SUPT5H: variants seen among roughly 807,000 people sequenced by gnomAD.
SUPT5H encodes the protein transcription elongation factor SPT5.
SUPT5H carries 24 observed loss-of-function variants against 142.5 expected under a neutral mutation model. The observed-to-expected ratio is 0.17, with a 90% confidence interval of 0.12 to 0.24. SUPT5H has a LOEUF of 0.24. SUPT5H is among the 10% of genes least tolerant of loss of function. The pLI is 1.00. For missense variants in SUPT5H, 893 were observed against 1,471.8 expected, an observed-to-expected ratio of 0.61 and a Z score of 6.43; for synonymous variants, 546 against 553.0, an observed-to-expected ratio of 0.99 and a Z score of 0.18.
intron 4 of SUPT5H, 138 bp downstream of exon 4, chr19:39,457,878 C>T: frequency 7.0e-7 from 1 of 1,422,942 alleles, no homozygotes; most frequent in Non-Finnish European, 9.6e-7. Context: ...TCTGTCCTTC[C>T]CAGAGAGACC....
intron 8 of SUPT5H, 89 bp from the exon 9 acceptor site, chr19:39,459,469 AC>A: frequency 6.5e-7 from 1 of 1,531,432 alleles, no homozygotes; most frequent in South Asian, 1.2e-5. Flanking sequence ...TGGATGTGAA[AC>A]CAGAGGAAGG....
chr19:39,473,232 C>T lies in SUPT5H; in HGVS notation c.2288C>T (p.Ser763Leu), dbSNP rs1168967266. 3.7e-6 allele frequency: 6 copies of T among 1,613,324 alleles called. No individual in the cohort carries two copies. The highest frequency in any genetic ancestry group is 4.5e-5 in the East Asian group (2 of 44,872). ...TCACGGCGCCCGGGCGGCATGACCT[C>T]GACCTATGGGAGGACGCCCATGTAT... ...VGSRRPGGMT[S>L]TYGRTPMYGS... Residue 763 changes from serine (S) to leucine (L), a missense_variant, in exon 24 of 30, where the codon TCG (serine) becomes TTG (leucine). Transcript: ENST00000432763. The surrounding 1 kb of genome is among the most constrained non-coding windows in gnomAD (Gnocchi z 5.8).
chr19:39,450,835 GAA>G, intron 2 of SUPT5H, among the ~76,000 whole-genome samples: 1 of 152,278 alleles, frequency 6.6e-6, no homozygotes, highest in African/African-American at 2.4e-5. Context: ...ACTGTGTCTT[GAA>G]CGCCTCTGGG....
In SUPT5H at chr19:39,458,111, A is replaced by G. The variant is rs113856265; in HGVS notation, c.308-183A>G. On this transcript the variant is annotated intron_variant, in intron 4 of 29. Transcript: ENST00000432763. This position sits in a 1 kb window ranked among gnomAD's most constrained non-coding sequence, Gnocchi z 4.2. Reference sequence around the variant, plus strand: ...CCTCATACATTTCGGCTTCTCCCCAACCACCTGGTGCCTGGCCTTTACTTT... The same window carrying G: ...CCTCATACATTTCGGCTTCTCCCCAGCCACCTGGTGCCTGGCCTTTACTTT... The G allele has an allele frequency of 1.1e-4, 121 of 1,079,958 alleles. No homozygotes were observed. In the African/African-American group the frequency reaches 1.6e-3, roughly 14 times the overall value. The allele number at this position is 1,079,958 out of a possible 1,614,324, so 66.9% of individuals were successfully genotyped here.
At chr19:39,455,118 A>G (rs1017649628) in intron 3 of SUPT5H, among the ~76,000 whole-genome samples, 1 of 152,218 alleles carries the variant, frequency 6.6e-6, no homozygotes, top group African/African-American at 2.4e-5. Flanking sequence ...CGCAGTTGCA[A>G]AAGTTTGGTG....
intron 4 of SUPT5H, 51 bp downstream of exon 4, chr19:39,457,791 A>G: frequency 6.2e-7 from 1 of 1,613,354 alleles, no homozygotes; most frequent in Non-Finnish European, 8.5e-7. Flanking sequence ...GGTGGCTGAG[A>G]GGGTCTTCAG....
chr19:39,465,481 T>C (rs2079222694), intron 11 of SUPT5H, among the ~76,000 whole-genome samples: 2 of 152,212 alleles, frequency 1.3e-5, no homozygotes, highest in South Asian at 2.1e-4. Context: ...ATAAGATTTC[T>C]CTGGTGACTG....
chr19:39,446,667 G>C (rs2078957994), intron 2 of SUPT5H, among the ~76,000 whole-genome samples: 2 of 152,144 alleles, frequency 1.3e-5, no homozygotes, highest in African/African-American at 4.8e-5. Context: ...AAGTTTGAGA[G>C]CAATCTCGGT....
At position 39,474,328 on chromosome 19, in the gene SUPT5H, C is replaced by G. The variant is rs2079371277; in HGVS notation, c.2746C>G (p.Pro916Ala). The change falls in exon 27 of 30, where the codon CCA (proline) becomes GCA (alanine). Residue 916 changes from proline (P) to alanine (A), a missense_variant. Pro to Ala is a conservative substitution (Grantham distance 27). Coordinates refer to ENST00000432763, the MANE Select transcript of SUPT5H (RefSeq NM_001111020.3). The surrounding 1 kb of genome is among the most constrained non-coding windows in gnomAD (Gnocchi z 6.5). ...PSPQSYHQVA[P>A]SPAGYQNTHS... The stretch of plus-strand genomic sequence containing the variant: ...CCCCCAGAGCTACCACCAGGTGGCG[C>G]CAAGCCCAGCAGGCTACCAGAATAC... 1 of 1,614,000 alleles carries G rather than the reference C, an allele frequency of 6.2e-7. No individual in the cohort carries two copies. Among genetic ancestry groups the G allele is most frequent in the Non-Finnish European group, 8.5e-7 (1 of 1,180,020 alleles).
chr19:39,450,423 A>G (rs763221662), intron 2 of SUPT5H, among the ~76,000 whole-genome samples: 1 of 152,168 alleles, frequency 6.6e-6, no homozygotes, highest in Non-Finnish European at 1.5e-5. Flanking sequence ...TTACAGGCGC[A>G]TGCCACTGCG....
Position 39,473,925 on chromosome 19 carries a change from TCA to T in SUPT5H, c.2493-36_2493-35del, listed in dbSNP as rs745821102. On this transcript the variant is annotated intron_variant, in intron 25 of 29. Transcript: ENST00000432763. The surrounding 1 kb of genome is among the most constrained non-coding windows in gnomAD (Gnocchi z 5.8). ...TGTTCTGGAAGCATCCATCGCATTA[TCA>T]CCACAGTCGCTGTCAACAGACTTTT... 5.6e-6 allele frequency: 9 copies of T among 1,613,518 alleles called. No homozygotes were observed. In the South Asian group the frequency reaches 9.9e-5, roughly 18 times the overall value.
In SUPT5H at chr19:39,466,792, T is replaced by G; in HGVS notation, c.1037+47T>G. On this transcript the variant is annotated intron_variant, in intron 13 of 29. Transcript: ENST00000432763. This position sits in a 1 kb window ranked among gnomAD's most constrained non-coding sequence, Gnocchi z 4.3. ...CTGGGCTGGGTCCCCAGGGCCGGTG[T>G]GTAGAATGTGCCTTTTGCAGGTTCC... 1 of 1,591,480 alleles carries G rather than the reference T, an allele frequency of 6.3e-7. No homozygotes were observed. Among genetic ancestry groups the G allele is most frequent in the Non-Finnish European group, 8.6e-7 (1 of 1,159,518 alleles).
chr19:39,457,821 C>T (rs978174432), intron 4 of SUPT5H, 81 bp downstream of exon 4: 30 of 1,597,880 alleles, frequency 1.9e-5, no homozygotes, highest in Non-Finnish European at 2.2e-5. Flanking sequence ...CCCCGACCCC[C>T]GCATCCCCTG....
At position 39,466,931 on chromosome 19, in the gene SUPT5H, T is replaced by G. The variant is rs2079246784; in HGVS notation, c.1037+186T>G. ...CCTCAGTTTCTTCTGCTATAAAGAT[T>G]GATGAGGCTGGGCGCAGCGGGAGGG... On this transcript the variant is annotated intron_variant, in intron 13 of 29. Transcript: ENST00000432763. This position sits in a 1 kb window ranked among gnomAD's most constrained non-coding sequence, Gnocchi z 4.3. 2 of 620,558 alleles carry G rather than the reference T, an allele frequency of 3.2e-6. No homozygotes were observed. Among genetic ancestry groups the G allele is most frequent in the Admixed American group, 5.6e-5 (2 of 35,536 alleles). 38.4% of individuals were successfully genotyped at this position (620,558 alleles called of 1,614,324 possible). A position where few individuals can be genotyped will look rare whatever the true frequency, so the allele number is the denominator to read the frequency against.
In SUPT5H at chr19:39,473,548, G is replaced by A. The variant is rs78487465; in HGVS notation, c.2492+27G>A. ...TGAGTCCAGGGTTCCCCAGGTTCTG[G>A]TGTGTGCTGGTGTGTGTGAGGGATG... On this transcript the variant is annotated intron_variant, in intron 25 of 29. Transcript: ENST00000432763. This position sits in a 1 kb window ranked among gnomAD's most constrained non-coding sequence, Gnocchi z 5.8. 232 of 1,594,368 alleles carry A rather than the reference G, an allele frequency of 1.5e-4. 2 individuals are homozygous for A. The East Asian group carries it at 5.2e-3, about 35-fold the overall frequency.
chr19:39,448,200 T>C (rs1023357801), intron 2 of SUPT5H, among the ~76,000 whole-genome samples: 2 of 152,214 alleles, frequency 1.3e-5, no homozygotes, highest in Admixed American at 1.3e-4. Flanking sequence ...GGAAAACGTT[T>C]GGTAGATGGA....
intron 2 of SUPT5H, among the ~76,000 whole-genome samples, chr19:39,452,380 C>T (rs902599285): frequency 6.6e-6 from 1 of 152,056 alleles, no homozygotes; most frequent in African/African-American, 2.4e-5. Flanking sequence ...GGAGGGAGAA[C>T]AAAGTGGCCC....
At chr19:39,461,285 G>A (rs62120669) in intron 10 of SUPT5H, among the ~76,000 whole-genome samples, 5,592 of 151,132 alleles carry the variant, frequency 0.037, 170 homozygotes, top group South Asian at 0.092. Flanking sequence ...GTGAGACTCC[G>A]TCTCGGGGTG....
At position 39,473,854 on chromosome 19, in the gene SUPT5H, C is replaced by T; in HGVS notation, c.2493-109C>T. Reference sequence around the variant, plus strand: ...ATCAGGAGTGCCTCTGGATGGGGCTCCCGTGAGAATGAAATTGCTTCAGTT... The same window carrying T: ...ATCAGGAGTGCCTCTGGATGGGGCTTCCGTGAGAATGAAATTGCTTCAGTT... On this transcript the variant is annotated intron_variant, in intron 25 of 29. Transcript: ENST00000432763. The surrounding 1 kb of genome is among the most constrained non-coding windows in gnomAD (Gnocchi z 5.8). The T allele has an allele frequency of 6.9e-7, 1 of 1,452,790 alleles. No individual in the cohort carries two copies. Among genetic ancestry groups the T allele is most frequent in the Non-Finnish European group, 9.6e-7 (1 of 1,041,268 alleles). 90.0% of individuals were successfully genotyped at this position (1,452,790 alleles called of 1,614,324 possible). A position where few individuals can be genotyped will look rare whatever the true frequency, so the allele number is the denominator to read the frequency against.
Sources: gnomAD v4.1 joint callset for allele counts (sites outside exome capture counted in the v4.1 genomes callset) on GRCh38, gnomAD v4.1.1 for gene constraint, Gnocchi (gnomAD v3.1) non-coding constraint, MANE v1.5 for transcripts, NCBI Gene and HGNC (gene_info 2026-07-23, HGNC 2026-07-21) for gene names.